The following AK5 variants were observed in gnomAD, a reference collection of about 807,000 sequenced individuals.
The protein encoded by AK5 is adenylate kinase 5, also known as adenylate kinase isoenzyme 5.
A neutral mutation model predicts 69.5 loss-of-function variants in AK5; 27 were observed. The ratio of observed to expected loss-of-function variants is 0.39; its 90% CI spans 0.29 to 0.54. The LOEUF is 0.54. Among genes scored for constraint, AK5 ranks in the 20% least tolerant of loss-of-function variants. The pLI is 0.71. For missense variants in AK5, 531 were observed against 700.4 expected (o/e 0.76, Z 2.73); for synonymous variants, 260 against 244.4 (o/e 1.06, Z -0.60).
intron 12 of AK5, among the ~76,000 whole-genome samples, chr1:77,529,239 A>G (rs776887279): frequency 1.3e-4 from 20 of 152,192 alleles, no homozygotes; most frequent in Admixed American, 5.9e-4. Context: ...TTGAGTACTT[A>G]CAATGCGCCA....
intron 5 of AK5, among the ~76,000 whole-genome samples, chr1:77,299,520 T>C: frequency 6.6e-6 from 1 of 152,142 alleles, no homozygotes; most frequent in Admixed American, 6.5e-5. Flanking sequence ...TGTGCTAGAA[T>C]GTCTGCCTCC....
At chr1:77,378,414 C>T (rs1440339251) in intron 6 of AK5, among the ~76,000 whole-genome samples, 1 of 152,212 alleles carries the variant, frequency 6.6e-6, no homozygotes, top group Admixed American at 6.5e-5. Flanking sequence ...CTCCGCCTCT[C>T]GGGTTCAAGT....
intron 8 of AK5, among the ~76,000 whole-genome samples, chr1:77,426,532 C>T (rs947172409): frequency 3.9e-5 from 6 of 152,158 alleles, no homozygotes; most frequent in African/African-American, 1.4e-4. Context: ...ACTATTATAG[C>T]TGGAGACTTC....
At position 77,283,753 on chromosome 1, in the gene AK5, T is replaced by G. The variant is rs954275002; in HGVS notation, c.60+1380T>G. The G allele has an allele frequency of 7.4e-5, 33 of 448,768 alleles. No homozygotes were observed. The East Asian group carries it at 4.1e-3, about 56-fold the overall frequency. 27.8% of individuals were successfully genotyped at this position (448,768 alleles called of 1,614,324 possible). A position where few individuals can be genotyped will look rare whatever the true frequency, so the allele number is the denominator to read the frequency against. On this transcript the variant is annotated intron_variant, in intron 1 of 13. Coordinates refer to ENST00000354567, the MANE Select transcript of AK5 (RefSeq NM_174858.3). ...GGAATCTTAAGAGTTGTTTTTTTTG[T>G]TTGTTTTTATTTTCAAAAAGTAAAT...
chr1:77,520,220 A>AG (rs1553160292), intron 11 of AK5, among the ~76,000 whole-genome samples: 2 of 151,786 alleles, frequency 1.3e-5, no homozygotes, highest in African/African-American at 4.8e-5. Context: ...AAAAAAAAAA[A>AG]AGAGAATACC....
intron 7 of AK5, among the ~76,000 whole-genome samples, chr1:77,415,106 A>T (rs1650328121): frequency 6.6e-6 from 1 of 152,220 alleles, no homozygotes; most frequent in African/African-American, 2.4e-5. Context: ...TCTGTCAAAA[A>T]AAAACAACAT....
intron 5 of AK5, among the ~76,000 whole-genome samples, chr1:77,332,094 A>G (rs975661907): frequency 6.6e-6 from 1 of 152,152 alleles, no homozygotes; most frequent in Non-Finnish European, 1.5e-5. Flanking sequence ...ATGCACTATC[A>G]TGTCCCACTG....
At chr1:77,402,378 CT>C (rs1228547789) in intron 6 of AK5, among the ~76,000 whole-genome samples, 1 of 151,944 alleles carries the variant, frequency 6.6e-6, no homozygotes, top group Non-Finnish European at 1.5e-5. Context: ...ATGTGCCATG[CT>C]GGTGCGCTGC....
At chr1:77,344,084 CT>C (rs2100392481) in intron 6 of AK5, among the ~76,000 whole-genome samples, 1 of 152,304 alleles carries the variant, frequency 6.6e-6, no homozygotes, top group South Asian at 2.1e-4. Context: ...TCATTCCACT[CT>C]TTTCTTTTTT....
chr1:77,373,713 A>G (rs1049565303), intron 6 of AK5, among the ~76,000 whole-genome samples: 1 of 147,956 alleles, frequency 6.8e-6, no homozygotes, highest in Non-Finnish European at 1.5e-5. Flanking sequence ...GAGGCAGAGC[A>G]AGACTCCATC....
At chr1:77,328,140 T>TG (rs781500748) in intron 5 of AK5, among the ~76,000 whole-genome samples, 1 of 152,166 alleles carries the variant, frequency 6.6e-6, no homozygotes, top group Non-Finnish European at 1.5e-5. Flanking sequence ...AAAGACATCT[T>TG]GGGGAAAAGA....
chr1:77,301,156 T>G (rs1659321730), intron 5 of AK5, among the ~76,000 whole-genome samples: 1 of 152,224 alleles, frequency 6.6e-6, no homozygotes, highest in Non-Finnish European at 1.5e-5. Flanking sequence ...AGTCTCCATA[T>G]GAACAGTCCA....
chr1:77,549,947 C>CT (rs921851397), intron 13 of AK5, among the ~76,000 whole-genome samples: 59 of 152,060 alleles, frequency 3.9e-4, no homozygotes, highest in African/African-American at 1.4e-3. Context: ...ACCTCAGCCT[C>CT]TTTTATTTAT....
intron 6 of AK5, among the ~76,000 whole-genome samples, chr1:77,342,299 G>A (rs1661697682): frequency 6.6e-6 from 1 of 152,186 alleles, no homozygotes; most frequent in African/African-American, 2.4e-5. Context: ...ATTGATGTTT[G>A]TAAGGCTCAA....
At chr1:77,359,048 G>T (rs1020438620) in intron 6 of AK5, among the ~76,000 whole-genome samples, 2 of 151,970 alleles carry the variant, frequency 1.3e-5, no homozygotes, top group Non-Finnish European at 2.9e-5. Flanking sequence ...GAGGTCAGGA[G>T]ATCGAGACCA....
At chr1:77,437,802 C>G (rs1557593100) in intron 8 of AK5, among the ~76,000 whole-genome samples, 1 of 151,898 alleles carries the variant, frequency 6.6e-6, no homozygotes, top group African/African-American at 2.4e-5. Context: ...TTTTTCCCCT[C>G]AGCTTTTCCT....
intron 8 of AK5, among the ~76,000 whole-genome samples, chr1:77,419,937 T>C (rs770770254): frequency 9.2e-5 from 14 of 152,180 alleles, no homozygotes; most frequent in Admixed American, 3.9e-4. Flanking sequence ...CTACTCTTTT[T>C]TCATTTAATC....
At chr1:77,403,390 G>A (rs1340208569) in intron 6 of AK5, among the ~76,000 whole-genome samples, 21 of 127,898 alleles carry the variant, frequency 1.6e-4, no homozygotes, top group Admixed American at 4.3e-4. Context: ...GTCCTGAATC[G>A]TATTGCCTAG....
At chr1:77,495,868 A>G (rs1251429849) in intron 10 of AK5, among the ~76,000 whole-genome samples, 3 of 152,232 alleles carry the variant, frequency 2.0e-5, no homozygotes, top group Non-Finnish European at 2.9e-5. Flanking sequence ...AACTCCCCAC[A>G]TGATAAAGAT....
Sources: gnomAD v4.1 joint callset for allele counts (sites outside exome capture counted in the v4.1 genomes callset) on GRCh38, gnomAD v4.1.1 for gene constraint, MANE v1.5 for transcripts, NCBI Gene and HGNC (gene_info 2026-07-23, HGNC 2026-07-21) for gene names.